Variants in CDKAL1 observed in about 807,000 individuals in gnomAD.
CDKAL1 encodes threonylcarbamoyladenosine tRNA methylthiotransferase.
Under a neutral mutation model 68.2 loss-of-function variants are expected in CDKAL1, and 32 were observed. The ratio of observed to expected loss-of-function variants is 0.47; its 90% CI spans 0.35 to 0.63. The LOEUF is 0.63. Ranked by LOEUF, CDKAL1 falls within the 30% of genes least tolerant of loss-of-function variation. The pLI is 0.00. For missense variants in CDKAL1, 606 were observed against 696.7 expected, an observed-to-expected ratio of 0.87 and a Z score of 1.47; for synonymous variants, 234 against 244.3, an observed-to-expected ratio of 0.96 and a Z score of 0.39.
intron 11 of CDKAL1, among the ~76,000 whole-genome samples, chr6:21,013,401 A>G (rs777091041): frequency 7.2e-5 from 11 of 152,012 alleles, no homozygotes; most frequent in Non-Finnish European, 1.5e-4. Flanking sequence ...ATGTGGGTAC[A>G]TAGTAAATGT....
At chr6:20,571,158 C>T (rs566598517) in intron 4 of CDKAL1, among the ~76,000 whole-genome samples, 19 of 152,086 alleles carry the variant, frequency 1.2e-4, no homozygotes, top group South Asian at 4.1e-4. Context: ...AGAAAAAACT[C>T]GATGTTTAAA....
chr6:21,204,052 G>A (rs1467211392), intron 15 of CDKAL1, among the ~76,000 whole-genome samples: 1 of 152,154 alleles, frequency 6.6e-6, no homozygotes, highest in Non-Finnish European at 1.5e-5. Context: ...GTGCTCACAT[G>A]CAGCCTAATT....
rs1043951073 is a variant in CDKAL1 at position 20,689,182 on chromosome 6, T to C, written c.371+39805T>C. Reference sequence around the variant, plus strand: ...TTTTACCTTTCCCCTACTGGAAGCATGAGGGGATTTTGCTCCAGTATTCAC... The same window carrying C: ...TTTTACCTTTCCCCTACTGGAAGCACGAGGGGATTTTGCTCCAGTATTCAC... On this transcript the variant is annotated intron_variant, in intron 5 of 15. Coordinates refer to ENST00000274695, the MANE Select transcript of CDKAL1 (RefSeq NM_017774.3). Among the ~76,000 whole-genome samples, 4 of 152,238 alleles carry C rather than the reference T, an allele frequency of 2.6e-5. No homozygotes were observed. In the East Asian group the frequency reaches 7.7e-4, roughly 29 times the overall value.
At chr6:21,205,830 C>CTTTTTTTTTTT (rs34849597) in intron 15 of CDKAL1, among the ~76,000 whole-genome samples, 1 of 66,610 alleles carries the variant, frequency 1.5e-5, no homozygotes, top group Non-Finnish European at 2.6e-5. Context: ...CGCGCCCAGC[C>CTTTTTTTTTTT]TTTTTTTTTT....
chr6:20,941,096 G>GA (rs68174523), intron 9 of CDKAL1, among the ~76,000 whole-genome samples: 17,483 of 113,386 alleles, frequency 0.15, 1,201 homozygotes, highest in African/African-American at 0.25. Flanking sequence ...ATCTCAAAAA[G>GA]AAAAAAAAAA....
At chr6:20,746,964 C>G (rs1242045956) in intron 6 of CDKAL1, among the ~76,000 whole-genome samples, 1 of 152,152 alleles carries the variant, frequency 6.6e-6, no homozygotes, top group African/African-American at 2.4e-5. Flanking sequence ...ATAACTGCAA[C>G]TTTGTACCCT....
At chr6:20,986,051 A>C (rs1480462388) in intron 10 of CDKAL1, among the ~76,000 whole-genome samples, 1 of 152,000 alleles carries the variant, frequency 6.6e-6, no homozygotes, top group African/African-American at 2.4e-5. Context: ...GCTGATTCTT[A>C]TCTCTGATTC....
intron 9 of CDKAL1, among the ~76,000 whole-genome samples, chr6:20,905,228 A>T (rs151124900): frequency 6.6e-6 from 1 of 152,226 alleles, no homozygotes; most frequent in Non-Finnish European, 1.5e-5. Flanking sequence ...ACAAACTAGA[A>T]ATATTAAGAA....
rs568525322 is a variant in CDKAL1, at chr6:21,027,324, C to G, written c.1055+26952C>G. Among the ~76,000 whole-genome samples, 5 of 152,280 alleles carry G rather than the reference C, an allele frequency of 3.3e-5. No individual in the cohort carries two copies. The East Asian group carries it at 9.6e-4, about 29-fold the overall frequency. Reference sequence around the variant, plus strand: ...ACTTATTCTCAGGAACAGGATTGGACCTCACAAGTACCACCTCAGCTCTCC... The same window carrying G: ...ACTTATTCTCAGGAACAGGATTGGAGCTCACAAGTACCACCTCAGCTCTCC... On this transcript the variant is annotated intron_variant, in intron 11 of 15. Coordinates refer to ENST00000274695, the MANE Select transcript of CDKAL1 (RefSeq NM_017774.3).
At chr6:21,118,408 T>C (rs1774527359) in intron 13 of CDKAL1, among the ~76,000 whole-genome samples, 1 of 152,184 alleles carries the variant, frequency 6.6e-6, no homozygotes, top group Non-Finnish European at 1.5e-5. Context: ...TCCTCAGCAA[T>C]ATTTTTAACA....
intron 8 of CDKAL1, among the ~76,000 whole-genome samples, chr6:20,804,952 G>A (rs923318456): frequency 4.6e-5 from 7 of 152,128 alleles, no homozygotes; most frequent in Admixed American, 1.3e-4. Context: ...TTGAGCCCAG[G>A]TGTTTGAGGT....
At chr6:21,032,697 T>C (rs917517032) in intron 11 of CDKAL1, among the ~76,000 whole-genome samples, 1 of 152,166 alleles carries the variant, frequency 6.6e-6, no homozygotes, top group South Asian at 2.1e-4. Flanking sequence ...TTGCCTGCAG[T>C]GTTCAGTATA....
intron 6 of CDKAL1, among the ~76,000 whole-genome samples, chr6:20,755,585 T>C (rs1213937261): frequency 6.6e-6 from 1 of 152,208 alleles, no homozygotes; most frequent in Non-Finnish European, 1.5e-5. Flanking sequence ...TTCTTTCTAG[T>C]CCATTCCACA....
chr6:21,031,240 A>G (rs565534781), intron 11 of CDKAL1, among the ~76,000 whole-genome samples: 3 of 150,724 alleles, frequency 2.0e-5, no homozygotes, highest in South Asian at 2.1e-4. Context: ...CTAGCAGCCC[A>G]TTCCCATGTG....
chr6:20,859,667 G>C (rs1759512493), intron 9 of CDKAL1, among the ~76,000 whole-genome samples: 1 of 152,244 alleles, frequency 6.6e-6, no homozygotes. Context: ...TTTACAGAAA[G>C]AGAAGTTTTG....
intron 9 of CDKAL1, among the ~76,000 whole-genome samples, chr6:20,948,967 T>C (rs774341926): frequency 2.0e-5 from 3 of 152,244 alleles, no homozygotes; most frequent in Non-Finnish European, 4.4e-5. Context: ...TTTCTGATTA[T>C]GACCTTTTGA....
intron 4 of CDKAL1, among the ~76,000 whole-genome samples, chr6:20,611,011 C>G (rs534080732): frequency 2.8e-4 from 43 of 152,278 alleles, no homozygotes; most frequent in African/African-American, 1.0e-3. Flanking sequence ...AAGTCATTTT[C>G]CCTCACAGCT....
intron 4 of CDKAL1, among the ~76,000 whole-genome samples, chr6:20,607,820 G>T (rs13328252): frequency 0.014 from 2,176 of 152,006 alleles, 55 homozygotes; most frequent in African/African-American, 0.049. Flanking sequence ...TCAGCCTCCT[G>T]AGTAGCTGGG....
intron 5 of CDKAL1, among the ~76,000 whole-genome samples, chr6:20,731,055 C>CT (rs984141729): frequency 1.8e-4 from 28 of 151,998 alleles, no homozygotes; most frequent in Non-Finnish European, 1.5e-5. Context: ...GCATGCATGA[C>CT]TTTTTTTCAG....
Sources: gnomAD v4.1 joint callset for allele counts (sites outside exome capture counted in the v4.1 genomes callset) on GRCh38, gnomAD v4.1.1 for gene constraint, MANE v1.5 for transcripts, NCBI Gene and HGNC (gene_info 2026-07-23, HGNC 2026-07-21) for gene names.